TRPC4: variants seen among roughly 807,000 people sequenced by gnomAD.
The protein encoded by TRPC4 is short transient receptor potential channel 4.
Under a neutral mutation model 99.4 loss-of-function variants are expected in TRPC4, and 49 were observed. The ratio of observed to expected loss-of-function variants is 0.49; its 90% CI spans 0.39 to 0.63. TRPC4 has a LOEUF of 0.63. TRPC4 is among the 20% of genes least tolerant of loss of function. The pLI, the probability that TRPC4 is intolerant of heterozygous loss-of-function variation, is 0.00. For missense variants in TRPC4, 898 were observed against 1,152.9 expected, an observed-to-expected ratio of 0.78 and a Z score of 3.20; for synonymous variants, 454 against 425.9, an observed-to-expected ratio of 1.07 and a Z score of -0.81.
chr13:37,827,346 G>A (rs184103521), intron 1 of TRPC4, among the ~76,000 whole-genome samples: 35 of 152,230 alleles, frequency 2.3e-4, no homozygotes, highest in South Asian at 1.7e-3. Context: ...GTGGAGAGGC[G>A]CTCTGCTTTT....
At chr13:37,861,447 C>T (rs1316627315) in intron 1 of TRPC4, among the ~76,000 whole-genome samples, 1 of 151,542 alleles carries the variant, frequency 6.6e-6, no homozygotes, top group Non-Finnish European at 1.5e-5. Flanking sequence ...AGTATACCAG[C>T]AAGTTCTGCT....
Position 37,687,089 on chromosome 13 carries a change from C to T in TRPC4, c.1234+4910G>A, listed in dbSNP as rs186946826. ...AAGCGATTCTCCTGTCTCAGCCTCC[C>T]GAGTAGCTGGGACTACATGTGCCTG... On this transcript the variant is annotated intron_variant, in intron 4 of 10. Transcript: ENST00000379705. Among the ~76,000 whole-genome samples, 358 of 152,072 alleles carry T rather than the reference C, an allele frequency of 2.4e-3. 1 individual carries two copies. The highest frequency in any genetic ancestry group is 8.2e-3 in the African/African-American group (340 of 41,472).
rs183443728 is a variant in TRPC4, at chr13:37,718,556, A to C, written c.898-26221T>G. Among the ~76,000 whole-genome samples the C allele has an allele frequency of 2.4e-3, 373 of 152,256 alleles. 2 individuals carry two copies. The highest frequency in any genetic ancestry group is 0.019 in the East Asian group (99 of 5,176). Reference sequence around the variant, plus strand: ...ATATGGTAATAATAAATGAAAACATAAGAAATCTCAGCAGAGAAATAGAAA... The same window carrying C: ...ATATGGTAATAATAAATGAAAACATCAGAAATCTCAGCAGAGAAATAGAAA... On this transcript the variant is annotated intron_variant, in intron 3 of 10. Coordinates refer to ENST00000379705, the MANE Select transcript of TRPC4 (RefSeq NM_016179.4).
intron 1 of TRPC4, among the ~76,000 whole-genome samples, chr13:37,839,955 G>T (rs182002833): frequency 2.0e-5 from 3 of 151,692 alleles, no homozygotes; most frequent in African/African-American, 7.3e-5. Context: ...ATCACATTTG[G>T]GTCTGAAACA....
chr13:37,798,974 C>T lies in TRPC4; in HGVS notation c.-27-15614G>A, dbSNP rs183075787. ...TGAGACAGAGTCTGGCTCTGTTGCC[C>T]AGGCTGGAATACAGTGGCGTGATCT... On this transcript the variant is annotated intron_variant, in intron 1 of 10. Coordinates refer to ENST00000379705, the MANE Select transcript of TRPC4 (RefSeq NM_016179.4). 2.7e-3 allele frequency among the ~76,000 whole-genome samples: 405 copies of T among 149,686 alleles called. 3 individuals carry two copies. Among genetic ancestry groups the T allele is most frequent in the African/African-American group, 9.6e-3 (390 of 40,592 alleles).
At chr13:37,676,816 A>G (rs1413854263) in intron 4 of TRPC4, among the ~76,000 whole-genome samples, 2 of 152,170 alleles carry the variant, frequency 1.3e-5, no homozygotes, top group African/African-American at 4.8e-5. Flanking sequence ...TCAGATCTAC[A>G]CTAAAAGACA....
At chr13:37,726,201 A>C (rs1045565719) in intron 3 of TRPC4, among the ~76,000 whole-genome samples, 28 of 149,452 alleles carry the variant, frequency 1.9e-4, no homozygotes, top group African/African-American at 5.1e-4. Context: ...GTCCCCCCCC[A>C]AAAAAAAAAG....
intron 3 of TRPC4, among the ~76,000 whole-genome samples, chr13:37,716,526 T>C (rs1219277229): frequency 6.6e-6 from 1 of 152,168 alleles, no homozygotes; most frequent in Admixed American, 6.6e-5. Flanking sequence ...AGAAAACTTC[T>C]AGGCTGAGTT....
intron 1 of TRPC4, among the ~76,000 whole-genome samples, chr13:37,862,459 C>G (rs1393224982): frequency 6.6e-6 from 1 of 151,476 alleles, no homozygotes; most frequent in African/African-American, 2.4e-5. Flanking sequence ...AACTTAAGTC[C>G]TACTCTTACG....
chr13:37,676,261 A>G (rs1445999977), intron 4 of TRPC4, among the ~76,000 whole-genome samples: 1 of 126,220 alleles, frequency 7.9e-6, no homozygotes, highest in Non-Finnish European at 1.7e-5. Flanking sequence ...TACCGAAAGC[A>G]GCCAAGAAAA....
At chr13:37,865,707 T>C (rs1367146849) in intron 1 of TRPC4, among the ~76,000 whole-genome samples, 2 of 151,772 alleles carry the variant, frequency 1.3e-5, no homozygotes, top group African/African-American at 2.4e-5. Context: ...TTATTGATTG[T>C]ATTTTAGAAA....
intron 2 of TRPC4, among the ~76,000 whole-genome samples, chr13:37,774,106 A>G (rs1956636143): frequency 6.6e-6 from 1 of 151,752 alleles, no homozygotes; most frequent in Admixed American, 6.6e-5. Context: ...GACTCCAGAA[A>G]TCAAAAAGGG....
intron 3 of TRPC4, among the ~76,000 whole-genome samples, chr13:37,692,959 T>A (rs1953769459): frequency 6.6e-6 from 1 of 152,210 alleles, no homozygotes; most frequent in Admixed American, 6.5e-5. Flanking sequence ...GTATAAACAA[T>A]GCAAACACCT....
intron 1 of TRPC4, among the ~76,000 whole-genome samples, chr13:37,868,644 T>TG (rs1341919255): frequency 6.6e-6 from 1 of 151,848 alleles, no homozygotes; most frequent in African/African-American, 2.4e-5. Flanking sequence ...ATTTTTTTTT[T>TG]TAATAAAACA....
chr13:37,809,551 A>G (rs1479754403), intron 1 of TRPC4, among the ~76,000 whole-genome samples: 1 of 151,964 alleles, frequency 6.6e-6, no homozygotes, highest in Non-Finnish European at 1.5e-5. Flanking sequence ...AACTGCAGGC[A>G]TAAGATGACA....
chr13:37,722,531 C>G (rs1418135182), intron 3 of TRPC4, among the ~76,000 whole-genome samples: 3 of 152,160 alleles, frequency 2.0e-5, no homozygotes, highest in Non-Finnish European at 4.4e-5. Context: ...TAACATCACA[C>G]TAGAAGAACA....
intron 3 of TRPC4, among the ~76,000 whole-genome samples, chr13:37,745,486 A>G (rs1955734981): frequency 7.3e-6 from 1 of 137,134 alleles, no homozygotes; most frequent in African/African-American, 2.9e-5. Flanking sequence ...ACACACACAC[A>G]CACTTATATA....
At chr13:37,828,233 C>T (rs1958307264) in intron 1 of TRPC4, among the ~76,000 whole-genome samples, 1 of 152,202 alleles carries the variant, frequency 6.6e-6, no homozygotes. Context: ...CACCCGTCTT[C>T]TGCGTTGCTC....
Position 37,637,011 on chromosome 13 carries a change from A to C in TRPC4, c.2826T>G (p.Pro942=). 1.2e-6 allele frequency: 2 copies of C among 1,613,764 alleles called. No individual in the cohort carries two copies. Among genetic ancestry groups the C allele is most frequent in the Non-Finnish European group, 1.7e-6 (2 of 1,179,754 alleles). The part of the protein sequence containing the change: ...SEKVVVEDTV[P]IIPKEKHAKE... ...TTGCATGTTTCTCCTTTGGTATTATAGGAACCGTGTCCTCCACCACCACCT... is the reference window on the plus strand; with the variant it reads ...TTGCATGTTTCTCCTTTGGTATTATCGGAACCGTGTCCTCCACCACCACCT... The change falls in exon 11 of 11, where the codon CCT becomes CCG. Residue 942 remains proline, a synonymous_variant. Transcript: ENST00000379705.
Sources: allele counts gnomAD v4.1 joint callset (sites outside exome capture counted in the v4.1 genomes callset), GRCh38; gene constraint gnomAD v4.1.1; transcripts MANE v1.5; gene names NCBI Gene and HGNC (gene_info 2026-07-23, HGNC 2026-07-21).